RNF150: variants seen among roughly 807,000 people sequenced by gnomAD.
RNF150 encodes ring finger protein 150.
A neutral mutation model predicts 39.3 loss-of-function variants in RNF150; 24 were observed. That is an observed-to-expected ratio of 0.61 (90% CI 0.44 to 0.86). RNF150 has a LOEUF of 0.86. Among genes scored for constraint, RNF150 ranks in the 40% least tolerant of loss-of-function variants. RNF150 has a pLI of 0.00. For synonymous variants in RNF150, 255 were observed against 227.3 expected, an observed-to-expected ratio of 1.12 and a Z score of -1.10; for missense variants, 502 against 587.8, an observed-to-expected ratio of 0.85 and a Z score of 1.51.
At chr4:140,961,932 T>C (rs572947115) in intron 2 of RNF150, among the ~76,000 whole-genome samples, 1 of 152,124 alleles carries the variant, frequency 6.6e-6, no homozygotes, top group East Asian at 1.9e-4. Context: ...ATTGAAGTCA[T>C]TACTCAACTA....
Position 141,119,855 on chromosome 4 carries a change from C to G in RNF150, c.484+12470G>C, listed in dbSNP as rs186178022. ...GTTAGCGAGTAGATGAATCTCTTAC[C>G]ACAGTCCCAGCAAGAATAGCTCTGC... On this transcript the variant is annotated intron_variant, in intron 1 of 6. Transcript: ENST00000515673. Among the ~76,000 whole-genome samples, 30 of 152,268 alleles carry G rather than the reference C, an allele frequency of 2.0e-4. No homozygotes were observed. In the East Asian group the frequency reaches 5.2e-3, roughly 26 times the overall value.
intron 1 of RNF150, among the ~76,000 whole-genome samples, chr4:141,049,865 T>C (rs1736712961): frequency 6.6e-6 from 1 of 152,084 alleles, no homozygotes; most frequent in Non-Finnish European, 1.5e-5. Flanking sequence ...CTGAATAGCA[T>C]GCCACCACTA....
At chr4:140,990,771 A>G (rs913930055) in intron 1 of RNF150, among the ~76,000 whole-genome samples, 3 of 152,064 alleles carry the variant, frequency 2.0e-5, no homozygotes, top group African/African-American at 7.2e-5. Flanking sequence ...TGTCTTTGCT[A>G]TTGTCAATAG....
In RNF150 at chr4:140,866,411, C is replaced by T. The variant is rs984805930; in HGVS notation, c.*1850G>A. The T allele has an allele frequency of 6.6e-6, 1 of 152,210 alleles. No individual in the cohort carries two copies. Among genetic ancestry groups the T allele is most frequent in the African/African-American group, 2.4e-5 (1 of 41,450 alleles). The allele number at this position is 152,210 out of a possible 1,614,324, so 9.4% of individuals were successfully genotyped here. A position where few individuals can be genotyped will look rare whatever the true frequency, so the allele number is the denominator to read the frequency against. On this transcript the variant is annotated 3_prime_UTR_variant, in exon 7 of 7. Coordinates refer to ENST00000515673, the MANE Select transcript of RNF150 (RefSeq NM_020724.2). ...TTCATCTAGGATTCTCGATTCAGAG[C>T]TCTCTTCATTCCTCCCTGCCTCTTT...
chr4:140,932,084 G>C lies in RNF150; in HGVS notation c.891-6011C>G, dbSNP rs369918610. Among the ~76,000 whole-genome samples the C allele has an allele frequency of 3.3e-5, 5 of 152,290 alleles. No homozygotes were observed. In the South Asian group the frequency reaches 1.0e-3, roughly 32 times the overall value. The stretch of plus-strand genomic sequence containing the variant: ...CCTGTGGTTTTCCTTTGGCACCAGT[G>C]CAAGCTGTCTCATTCTCCTTAGTGA... On this transcript the variant is annotated intron_variant, in intron 4 of 6. Coordinates refer to ENST00000515673, the MANE Select transcript of RNF150 (RefSeq NM_020724.2).
chr4:140,906,116 A>G (rs1730363932), intron 6 of RNF150, among the ~76,000 whole-genome samples: 2 of 152,216 alleles, frequency 1.3e-5, no homozygotes, highest in African/African-American at 4.8e-5. Flanking sequence ...AGGTGCTCTT[A>G]GAACTATCAG....
intron 1 of RNF150, among the ~76,000 whole-genome samples, chr4:141,102,957 T>C (rs1271773693): frequency 6.6e-6 from 1 of 152,222 alleles, no homozygotes; most frequent in East Asian, 1.9e-4. Flanking sequence ...TCTTCTTGTC[T>C]TCTGATTCTT....
At chr4:141,020,510 GCACC>G (rs1162445714) in intron 1 of RNF150, among the ~76,000 whole-genome samples, 2 of 152,102 alleles carry the variant, frequency 1.3e-5, no homozygotes, top group South Asian at 4.1e-4. Flanking sequence ...TCTCCCAGAG[GCACC>G]TTCCTAAGTG....
At chr4:141,117,318 T>C (rs1398482801) in intron 1 of RNF150, among the ~76,000 whole-genome samples, 2 of 152,164 alleles carry the variant, frequency 1.3e-5, no homozygotes, top group Admixed American at 1.3e-4. Flanking sequence ...AAATTATCAA[T>C]TTTTGTGGGA....
At chr4:141,193,665 A>G (rs986303747) in intron 1 of RNF150, among the ~76,000 whole-genome samples, 3 of 152,172 alleles carry the variant, frequency 2.0e-5, no homozygotes, top group African/African-American at 7.2e-5. Flanking sequence ...ATGCAACAGG[A>G]ACGACAGCAG....
chr4:141,085,647 C>G (rs1159881698), intron 1 of RNF150, among the ~76,000 whole-genome samples: 1 of 152,196 alleles, frequency 6.6e-6, no homozygotes, highest in African/African-American at 2.4e-5. Flanking sequence ...AAATTCCTGA[C>G]CCACAGAATC....
chr4:141,120,604 G>T (rs1487665610), intron 1 of RNF150, among the ~76,000 whole-genome samples: 1 of 152,112 alleles, frequency 6.6e-6, no homozygotes, highest in Non-Finnish European at 1.5e-5. Flanking sequence ...AGCATAAAGG[G>T]ATATTTAAAT....
intron 1 of RNF150, among the ~76,000 whole-genome samples, chr4:141,054,482 G>A (rs1684451780): frequency 1.3e-5 from 2 of 152,078 alleles, no homozygotes; most frequent in South Asian, 4.2e-4. Context: ...AAGAAAATTG[G>A]GGGAATTTTG....
At position 140,915,822 on chromosome 4, in the gene RNF150, C is replaced by A. The variant is rs563224312; in HGVS notation, c.988-4468G>T. 3.6e-3 allele frequency among the ~76,000 whole-genome samples: 543 copies of A among 152,276 alleles called. 4 individuals carry two copies. Among genetic ancestry groups the A allele is most frequent in the African/African-American group, 0.013 (526 of 41,534 alleles). The stretch of plus-strand genomic sequence containing the variant: ...AGTAGGGGCGGACTGACACCTCACA[C>A]GGCCGGGTACTCGTCTGAGACAAAA... On this transcript the variant is annotated intron_variant, in intron 5 of 6. Coordinates refer to ENST00000515673, the MANE Select transcript of RNF150 (RefSeq NM_020724.2).
rs528140675 is a variant in RNF150, at chr4:140,904,183, G to A, written c.1198+6961C>T. On this transcript the variant is annotated intron_variant, in intron 6 of 6. Transcript: ENST00000515673. The stretch of plus-strand genomic sequence containing the variant: ...AGCTAGAGGGCTCAGAAGCAAGGGG[G>A]TGATGTTGCTCTAGGGACCTGGCAC... Among the ~76,000 whole-genome samples, 7 of 152,318 alleles carry A rather than the reference G, an allele frequency of 4.6e-5. No individual in the cohort carries two copies. The East Asian group carries it at 5.8e-4, about 13-fold the overall frequency.
intron 1 of RNF150, among the ~76,000 whole-genome samples, chr4:141,128,446 C>A (rs182357571): frequency 6.6e-6 from 1 of 152,238 alleles, no homozygotes; most frequent in African/African-American, 2.4e-5. Flanking sequence ...TTAATTAGTG[C>A]CCTAAACTGC....
chr4:141,155,992 A>G (rs1024734840), intron 1 of RNF150, among the ~76,000 whole-genome samples: 2 of 151,568 alleles, frequency 1.3e-5, no homozygotes, highest in Non-Finnish European at 2.9e-5. Context: ...TCATGGCTGG[A>G]AGGAGGAGGA....
At chr4:141,115,995 G>A (rs1282405952) in intron 1 of RNF150, among the ~76,000 whole-genome samples, 1 of 152,160 alleles carries the variant, frequency 6.6e-6, no homozygotes, top group Non-Finnish European at 1.5e-5. Context: ...ATTAACTCAA[G>A]ATGGATTACA....
chr4:140,909,881 C>T (rs1412697693), intron 6 of RNF150, among the ~76,000 whole-genome samples: 1 of 152,186 alleles, frequency 6.6e-6, no homozygotes, highest in African/African-American at 2.4e-5. Context: ...AGATATTTCT[C>T]ACCAAGCTCC....
Sources: allele counts gnomAD v4.1 joint callset (sites outside exome capture counted in the v4.1 genomes callset), GRCh38; gene constraint gnomAD v4.1.1; transcripts MANE v1.5; gene names NCBI Gene and HGNC (gene_info 2026-07-23, HGNC 2026-07-21).